Variants in PIP5K1B observed in about 807,000 individuals in gnomAD.
PIP5K1B encodes the protein phosphatidylinositol 4-phosphate 5-kinase type-1 beta.
In PIP5K1B, 42 loss-of-function variants were observed where a neutral mutation model predicts 67.0. That is an observed-to-expected ratio of 0.63 (90% CI 0.49 to 0.81). The LOEUF (loss-of-function observed/expected upper bound fraction) is 0.81. Ranked by LOEUF, PIP5K1B falls within the 30% of genes least tolerant of loss-of-function variation. The probability of loss-of-function intolerance (pLI) is 0.00; values close to 1 mark genes in which losing one functional copy is unlikely to be tolerated. For synonymous variants in PIP5K1B, 214 were observed against 231.4 expected, an observed-to-expected ratio of 0.92 and a Z score of 0.68; for missense variants, 459 against 646.3, an observed-to-expected ratio of 0.71 and a Z score of 3.14.
At chr9:68,753,488 T>C (rs1460476938) in intron 2 of PIP5K1B, among the ~76,000 whole-genome samples, 7 of 141,218 alleles carry the variant, frequency 5.0e-5, no homozygotes, top group African/African-American at 2.6e-5. Context: ...TACAGGCGTG[T>C]GCCACCATGC....
intron 5 of PIP5K1B, 148 bp downstream of exon 5, chr9:68,864,115 A>G (rs1319288684): frequency 3.1e-6 from 2 of 652,026 alleles, no homozygotes; most frequent in Non-Finnish European, 5.2e-6. Context: ...AGTCCAAATG[A>G]TGTTTACTTC....
intron 2 of PIP5K1B, among the ~76,000 whole-genome samples, chr9:68,797,936 G>T (rs879912531): frequency 6.6e-6 from 1 of 152,174 alleles, no homozygotes; most frequent in African/African-American, 2.4e-5. Flanking sequence ...AGACTAAATA[G>T]ATACGCTGTA....
chr9:68,891,810 T>A (rs1405443185), intron 7 of PIP5K1B, among the ~76,000 whole-genome samples: 2 of 152,098 alleles, frequency 1.3e-5, no homozygotes, highest in African/African-American at 2.4e-5. Context: ...TCCATTATAT[T>A]CCATTATATA....
intron 14 of PIP5K1B, among the ~76,000 whole-genome samples, chr9:68,949,783 G>T (rs1564261771): frequency 6.6e-6 from 1 of 152,242 alleles, no homozygotes; most frequent in East Asian, 1.9e-4. Context: ...GACACGTGGT[G>T]GAAGAAGATT....
At chr9:68,793,731 A>G (rs12341286) in intron 2 of PIP5K1B, among the ~76,000 whole-genome samples, 1,955 of 152,240 alleles carry the variant, frequency 0.013, 50 homozygotes, top group African/African-American at 0.044. Flanking sequence ...TTTATTAGAC[A>G]TTCAAGTGGA....
chr9:68,723,183 AGAGAGAGAGAGAGAGG>A (rs71353076), intron 1 of PIP5K1B, among the ~76,000 whole-genome samples: 45,623 of 110,300 alleles, frequency 0.41, 6,906 homozygotes, highest in East Asian at 0.53. Flanking sequence ...TGTGTGTGAG[AGAGAGAGAGAGAGAGG>A]GAGAGAGAGA....
chr9:68,859,766 A>G (rs919216957), intron 4 of PIP5K1B, among the ~76,000 whole-genome samples: 7 of 152,178 alleles, frequency 4.6e-5, no homozygotes, highest in African/African-American at 1.4e-4. Context: ...CTTTGTCATC[A>G]TCATGATTTA....
chr9:68,778,294 T>A (rs879222422), intron 2 of PIP5K1B, among the ~76,000 whole-genome samples: 5 of 152,156 alleles, frequency 3.3e-5, no homozygotes, highest in Admixed American at 2.6e-4. Flanking sequence ...TTAAGTGGGA[T>A]TATGGAGTGT....
At chr9:68,941,005 T>G in intron 14 of PIP5K1B, 1 of 652,944 alleles carries the variant, frequency 1.5e-6, no homozygotes, top group South Asian at 1.5e-5. Context: ...GATCATTATG[T>G]CATGTAGAAA....
chr9:68,789,555 G>A, intron 2 of PIP5K1B: 2 of 495,676 alleles, frequency 4.0e-6, no homozygotes, highest in Non-Finnish European at 8.3e-6. Flanking sequence ...TGCCTCAGTA[G>A]CTTGTTCTTG....
At chr9:68,921,521 C>G (rs1826401639) in intron 11 of PIP5K1B, among the ~76,000 whole-genome samples, 1 of 152,034 alleles carries the variant, frequency 6.6e-6, no homozygotes, top group Non-Finnish European at 1.5e-5. Flanking sequence ...TTCCTGTTAC[C>G]AGATGGATCT....
At chr9:68,800,482 C>T (rs1183145617) in intron 2 of PIP5K1B, among the ~76,000 whole-genome samples, 1 of 152,130 alleles carries the variant, frequency 6.6e-6, no homozygotes, top group Non-Finnish European at 1.5e-5. Flanking sequence ...ACAGACCTCA[C>T]CATTTCCTTC....
chr9:68,717,649 C>T (rs564785798), intron 1 of PIP5K1B, among the ~76,000 whole-genome samples: 3 of 152,068 alleles, frequency 2.0e-5, no homozygotes, highest in South Asian at 2.1e-4. Context: ...TATAAGAGCC[C>T]GAATCCCACC....
At chr9:68,977,259 C>T (rs902028552) in intron 14 of PIP5K1B, among the ~76,000 whole-genome samples, 4 of 152,212 alleles carry the variant, frequency 2.6e-5, no homozygotes, top group Non-Finnish European at 5.9e-5. Flanking sequence ...TGGTGGCTCA[C>T]GGCTGTAATC....
chr9:68,789,942 G>T (rs1297868850), intron 2 of PIP5K1B, among the ~76,000 whole-genome samples: 2 of 152,038 alleles, frequency 1.3e-5, no homozygotes, highest in Non-Finnish European at 2.9e-5. Context: ...CACAAATTTT[G>T]GATTTTTTTG....
intron 5 of PIP5K1B, among the ~76,000 whole-genome samples, chr9:68,871,456 A>G (rs1422870153): frequency 3.3e-5 from 5 of 152,148 alleles, no homozygotes; most frequent in Non-Finnish European, 7.3e-5. Context: ...TCAAGCTTCA[A>G]CATTGTGTAA....
At chr9:68,804,782 T>C (rs1455478485) in intron 2 of PIP5K1B, among the ~76,000 whole-genome samples, 4 of 152,084 alleles carry the variant, frequency 2.6e-5, no homozygotes, top group African/African-American at 9.7e-5. Context: ...AACCTCTCTG[T>C]TGCCTTCGTT....
chr9:68,805,592 G>A (rs11143777), intron 2 of PIP5K1B, among the ~76,000 whole-genome samples: 15,757 of 152,232 alleles, frequency 0.1, 920 homozygotes, highest in Non-Finnish European at 0.14. Context: ...ATTCCATACA[G>A]CTGGTGTGCG....
chr9:68,961,760 TC>T (rs1828762361), intron 14 of PIP5K1B, among the ~76,000 whole-genome samples: 1 of 152,182 alleles, frequency 6.6e-6, no homozygotes, highest in East Asian at 1.9e-4. Context: ...TTTCAGTTGG[TC>T]CCTTATCCTT....
Sources: allele counts gnomAD v4.1 joint callset (sites outside exome capture counted in the v4.1 genomes callset), GRCh38; gene constraint gnomAD v4.1.1; transcripts MANE v1.5; gene names NCBI Gene and HGNC (gene_info 2026-07-23, HGNC 2026-07-21).